Variants in CRAMP1 observed in about 807,000 individuals in gnomAD.
The protein encoded by CRAMP1 is protein cramped-like.
In CRAMP1, 50 loss-of-function variants were observed where a neutral mutation model predicts 115.4. The observed-to-expected ratio is 0.43, with a 90% CI of 0.35 to 0.55. The LOEUF (loss-of-function observed/expected upper bound fraction) is 0.55, where lower values mean the gene tolerates loss of function less well. Ranked by LOEUF, CRAMP1 falls within the 20% of genes least tolerant of loss-of-function variation. The pLI is 0.01. For synonymous variants in CRAMP1, 866 were observed against 745.4 expected (o/e 1.16, Z -2.64); for missense variants, 1,679 against 1,721.7 (o/e 0.98, Z 0.44).
intron 13 of CRAMP1, among the ~76,000 whole-genome samples, chr16:1,664,245 T>C (rs946150171): frequency 6.6e-6 from 1 of 152,338 alleles, no homozygotes; most frequent in South Asian, 2.1e-4. Context: ...TGGTAGTCCT[T>C]GTCACTCAAA....
Position 1,668,079 on chromosome 16 carries a change from G to A in CRAMP1, c.3220G>A (p.Ala1074Thr). The A allele has an allele frequency of 6.2e-7, 1 of 1,613,826 alleles. No individual in the cohort carries two copies. The highest frequency in any genetic ancestry group is 8.5e-7 in the Non-Finnish European group (1 of 1,179,862). Residue 1074 changes from alanine to threonine, a missense_variant, in exon 18 of 21, where the codon GCT (alanine) becomes ACT (threonine). By Grantham distance (58) the Ala-to-Thr change is moderately conservative. This residue lies in a region of CRAMP1 where 709 missense variants were observed against 741.9 expected (regional missense o/e 0.96). Coordinates refer to ENST00000397412, the MANE Select transcript of CRAMP1 (RefSeq NM_020825.4). ...STRLSPPDVS[A>T]LLDISLPGPP... ...CCGGCTGTCTCCACCAGACGTCTCT[G>A]CTCTGCTCGACATCTCCCTGCCCGG...
intron 1 of CRAMP1, among the ~76,000 whole-genome samples, chr16:1,613,484 A>G (rs2036381410): frequency 1.3e-5 from 2 of 152,168 alleles, no homozygotes; most frequent in African/African-American, 4.8e-5. Context: ...AGTTGAGTTG[A>G]ACGCAGGGTC....
Position 1,672,073 on chromosome 16 carries a change from G to T in CRAMP1, c.3645+1264G>T, listed in dbSNP as rs904175748. Among the ~76,000 whole-genome samples the T allele has an allele frequency of 6.6e-6, 1 of 152,172 alleles. No homozygotes were observed. Among genetic ancestry groups the T allele is most frequent in the African/African-American group, 2.4e-5 (1 of 41,442 alleles). ...AGTGCTGGGCTCTGTGGAGATGGGC[G>T]CTGCGTACGTGCCCTGAGGCAGCAT... On this transcript the variant is annotated intron_variant, in intron 20 of 20. Transcript: ENST00000397412. The surrounding 1 kb of genome is among the most constrained non-coding windows in gnomAD (Gnocchi z 4.9).
At chr16:1,618,008 T>C (rs575932396) in intron 2 of CRAMP1, among the ~76,000 whole-genome samples, 22 of 152,198 alleles carry the variant, frequency 1.4e-4, no homozygotes, top group Admixed American at 7.9e-4. Flanking sequence ...TTCCTGCAGC[T>C]CTAATACACC....
chr16:1,613,967 C>T (rs2036390523), intron 1 of CRAMP1, among the ~76,000 whole-genome samples: 1 of 152,014 alleles, frequency 6.6e-6, no homozygotes, highest in African/African-American at 2.4e-5. Context: ...CGGCATTGGG[C>T]CACCATGGAG....
chr16:1,617,349 T>C (rs1303633301), intron 2 of CRAMP1, among the ~76,000 whole-genome samples: 1 of 152,234 alleles, frequency 6.6e-6, no homozygotes, highest in Non-Finnish European at 1.5e-5. Flanking sequence ...CACCAGTCTT[T>C]GGAGAGACCT....
intron 11 of CRAMP1, among the ~76,000 whole-genome samples, chr16:1,661,071 T>G (rs2036825264): frequency 6.6e-6 from 1 of 152,002 alleles, no homozygotes; most frequent in African/African-American, 2.4e-5. Context: ...GGCTCATGCC[T>G]ATAATCCCAG....
chr16:1,618,875 CAAA>C (rs965518918), intron 2 of CRAMP1, among the ~76,000 whole-genome samples: 3 of 152,070 alleles, frequency 2.0e-5, no homozygotes, highest in African/African-American at 7.2e-5. Context: ...AAAAACAAAA[CAAA>C]ACCAAAAAAG....
chr16:1,656,616 G>A lies in CRAMP1; in HGVS notation c.1859G>A (p.Gly620Asp), dbSNP rs1191391969. 1.3e-6 allele frequency: 2 copies of A among 1,574,848 alleles called. No individual in the cohort carries two copies. The highest frequency in any genetic ancestry group is 8.6e-7 in the Non-Finnish European group (1 of 1,161,180). The change falls in exon 10 of 21, where the codon GGC becomes GAC. Residue 620 changes from glycine to aspartate, a missense_variant. Transcript: ENST00000397412. This position sits in a 1 kb window ranked among gnomAD's most constrained non-coding sequence, Gnocchi z 5.6. ...CCCACTGGCCCATCCCCGAGGCCCG[G>A]CCCCGGGCTCCTGCTGGATGTTTGC... Reference protein sequence around the residue: ...LAPTGPSPRPGPGLLLDVCTK... With the variant: ...LAPTGPSPRPDPGLLLDVCTK...
chr16:1,644,155 G>T (rs867645460), intron 6 of CRAMP1, among the ~76,000 whole-genome samples: 1 of 152,212 alleles, frequency 6.6e-6, no homozygotes, highest in African/African-American at 2.4e-5. Context: ...AGGCCGCAGC[G>T]AGAGTGGGAG....
In CRAMP1 at chr16:1,670,612, G is replaced by T. The variant is rs550715749; in HGVS notation, c.3500-52G>T. The T allele has an allele frequency of 2.5e-5, 40 of 1,601,866 alleles. No individual in the cohort carries two copies. The African/African-American group carries it at 5.1e-4, about 20-fold the overall frequency. ...AGCCTCAGGACCCTTCCGCTGGACTGGTCCAGACCAAGCAGGGTTCAGGGT... is the reference window on the plus strand; with the variant it reads ...AGCCTCAGGACCCTTCCGCTGGACTTGTCCAGACCAAGCAGGGTTCAGGGT... On this transcript the variant is annotated intron_variant, in intron 19 of 20. Coordinates refer to ENST00000397412, the MANE Select transcript of CRAMP1 (RefSeq NM_020825.4).
intron 6 of CRAMP1, among the ~76,000 whole-genome samples, chr16:1,646,805 A>G (rs530120313): frequency 6.6e-6 from 1 of 152,356 alleles, no homozygotes; most frequent in South Asian, 2.1e-4. Flanking sequence ...ATTTAAATCC[A>G]TGATCTGCTT....
chr16:1,640,774 C>A (rs2036625157), intron 5 of CRAMP1, among the ~76,000 whole-genome samples: 1 of 152,162 alleles, frequency 6.6e-6, no homozygotes, highest in African/African-American at 2.4e-5. Context: ...AGGTGTGGTG[C>A]CTGCAGGAAG....
intron 9 of CRAMP1, 121 bp downstream of exon 9, chr16:1,655,421 G>C (rs1227401674): frequency 1.1e-5 from 9 of 802,930 alleles, no homozygotes. Context: ...GCCATGCTGT[G>C]ACATGGTGTA....
At chr16:1,636,882 G>C (rs1040112388) in intron 4 of CRAMP1, among the ~76,000 whole-genome samples, 3 of 152,222 alleles carry the variant, frequency 2.0e-5, no homozygotes, top group Non-Finnish European at 4.4e-5. Context: ...GGTGGGAAAA[G>C]GGGAACCCTC....
At chr16:1,637,531 A>C (rs1453708749) in intron 4 of CRAMP1, among the ~76,000 whole-genome samples, 2 of 152,252 alleles carry the variant, frequency 1.3e-5, no homozygotes, top group Non-Finnish European at 2.9e-5. Context: ...TGCCACCTTC[A>C]CGAGTACCAG....
chr16:1,625,129 T>C (rs761974891), intron 2 of CRAMP1, among the ~76,000 whole-genome samples: 1 of 152,140 alleles, frequency 6.6e-6, no homozygotes, highest in Non-Finnish European at 1.5e-5. Context: ...ATCACAGGGA[T>C]ATGCTGACAG....
intron 1 of CRAMP1, among the ~76,000 whole-genome samples, chr16:1,612,973 G>C (rs2036372299): frequency 6.6e-6 from 1 of 152,136 alleles, no homozygotes; most frequent in Admixed American, 6.5e-5. Context: ...GGCGAAAAGC[G>C]CTTCCCCGTG....
At position 1,674,225 on chromosome 16, in the gene CRAMP1, G is replaced by A; in HGVS notation, c.*180G>A. 1.6e-6 allele frequency: 1 copy of A among 630,262 alleles called. No homozygotes were observed. Among genetic ancestry groups the A allele is most frequent in the Non-Finnish European group, 2.7e-6 (1 of 365,514 alleles). 39.0% of individuals were successfully genotyped at this position (630,262 alleles called of 1,614,324 possible). On this transcript the variant is annotated 3_prime_UTR_variant, in exon 21 of 21. Coordinates refer to ENST00000397412, the MANE Select transcript of CRAMP1 (RefSeq NM_020825.4). ...CAGGCAACGGCGTCCAAGGAGACTA[G>A]GATGAGTTCTTGGCAAGGGCCAGCG...
Sources: gnomAD v4.1 joint callset for allele counts (sites outside exome capture counted in the v4.1 genomes callset) on GRCh38, gnomAD v4.1.1 for gene constraint, gnomAD v4.1.1 regional missense constraint, Gnocchi (gnomAD v3.1) non-coding constraint, MANE v1.5 for transcripts, NCBI Gene and HGNC (gene_info 2026-07-23, HGNC 2026-07-21) for gene names.